RNF130: variants seen among roughly 807,000 people sequenced by gnomAD.
The protein encoded by RNF130 is ring finger protein 130, also known as E3 ubiquitin-protein ligase RNF130.
Under a neutral mutation model 44.6 loss-of-function variants are expected in RNF130, and 21 were observed. That is an observed-to-expected ratio of 0.47 (90% CI 0.33 to 0.68). RNF130 has a LOEUF of 0.68. RNF130 is among the 30% of genes least tolerant of loss of function. RNF130 has a pLI of 0.02. For missense variants in RNF130, 479 were observed against 560.6 expected, an observed-to-expected ratio of 0.85 and a Z score of 1.47; for synonymous variants, 214 against 210.4, an observed-to-expected ratio of 1.02 and a Z score of -0.15.
chr5:179,947,776 A>G (rs1243742863), intron 7 of RNF130, among the ~76,000 whole-genome samples: 1 of 152,236 alleles, frequency 6.6e-6, no homozygotes, highest in Non-Finnish European at 1.5e-5. Flanking sequence ...ATGTAAGTAT[A>G]TAGTAGGTAT....
At chr5:179,984,685 T>C (rs1762915436) in intron 3 of RNF130, among the ~76,000 whole-genome samples, 1 of 152,196 alleles carries the variant, frequency 6.6e-6, no homozygotes, top group Non-Finnish European at 1.5e-5. Flanking sequence ...AGAGGGGTCC[T>C]GGTCTGTAGT....
intron 7 of RNF130, chr5:179,939,599 T>C (rs1761944139): frequency 7.4e-6 from 3 of 405,666 alleles, no homozygotes; most frequent in Non-Finnish European, 1.5e-5. Flanking sequence ...GAAGTTGATA[T>C]AGATTTGAAG....
chr5:179,972,659 G>C lies in RNF130; in HGVS notation c.849-2153C>G, dbSNP rs557117503. On this transcript the variant is annotated intron_variant, in intron 5 of 8. Coordinates refer to ENST00000521389, the MANE Select transcript of RNF130 (RefSeq NM_018434.6). ...ACCTGGTAAAGCCGCAGCACCACCT[G>C]GGGGGATGGAGGTGCGGCTCTGGTG... Among the ~76,000 whole-genome samples the C allele has an allele frequency of 4.6e-5, 7 of 152,142 alleles. No homozygotes were observed. The South Asian group carries it at 1.2e-3, about 27-fold the overall frequency.
At chr5:180,002,761 G>T (rs1763375234) in intron 3 of RNF130, among the ~76,000 whole-genome samples, 1 of 152,116 alleles carries the variant, frequency 6.6e-6, no homozygotes, top group South Asian at 2.1e-4. Context: ...TCAAACGTCT[G>T]TGCTCTCCAG....
intron 7 of RNF130, among the ~76,000 whole-genome samples, chr5:179,938,773 T>G (rs1761933237): frequency 1.3e-5 from 2 of 152,288 alleles, no homozygotes; most frequent in South Asian, 4.1e-4. Context: ...TACTAACTAC[T>G]GAAAACCTTG....
intron 6 of RNF130, among the ~76,000 whole-genome samples, chr5:179,969,072 T>C (rs557981368): frequency 6.6e-6 from 1 of 152,262 alleles, no homozygotes; most frequent in Non-Finnish European, 1.5e-5. Flanking sequence ...CAAGCTAAAA[T>C]GAGTTCATCT....
Position 180,014,545 on chromosome 5 carries a change from G to C in RNF130, c.443-1234C>G, listed in dbSNP as rs1490907039. Among the ~76,000 whole-genome samples the C allele has an allele frequency of 3.3e-5, 5 of 152,132 alleles. No homozygotes were observed. In the South Asian group the frequency reaches 1.0e-3, roughly 31 times the overall value. ...TGTAAACCAACAAAACAATCAAGCA[G>C]AAGTCCCCAAAACTTGTCCTTTTCA... On this transcript the variant is annotated intron_variant, in intron 2 of 8. Transcript: ENST00000521389.
intron 1 of RNF130, among the ~76,000 whole-genome samples, chr5:180,061,068 CAAAAAAAA>C (rs57744473): frequency 3.7e-5 from 2 of 53,600 alleles, no homozygotes; most frequent in Admixed American, 2.9e-4. Flanking sequence ...GACTCCGTCT[CAAAAAAAA>C]AAAAAAAAAA....
intron 2 of RNF130, among the ~76,000 whole-genome samples, chr5:180,033,533 G>A (rs903340520): frequency 9.2e-5 from 14 of 151,992 alleles, no homozygotes; most frequent in Non-Finnish European, 1.6e-4. Flanking sequence ...AGACCAGCCC[G>A]GCCAACATGG....
chr5:180,007,954 C>T (rs1297737495), intron 3 of RNF130, among the ~76,000 whole-genome samples: 1 of 147,046 alleles, frequency 6.8e-6, no homozygotes, highest in Non-Finnish European at 1.5e-5. Context: ...TTCAGTGTTT[C>T]GTATGTCAAC....
At chr5:179,918,485 C>T (rs1326963704) in exon 8 of RNF130, 1 of 152,198 alleles carries the variant, frequency 6.6e-6, no homozygotes, top group African/African-American at 2.4e-5. Flanking sequence ...CTGAGCTCTC[C>T]TACCTTTCAG....
rs796399366 is a variant in RNF130, at chr5:179,998,881, ATATGTTT to A, written c.693+14173_693+14179del. Among the ~76,000 whole-genome samples the A allele has an allele frequency of 4.1e-4, 52 of 127,868 alleles. 4 individuals carry two copies. The highest frequency in any genetic ancestry group is 2.0e-3 in the South Asian group (9 of 4,406). 83.9% of individuals were successfully genotyped at this position (127,868 alleles called of 152,430 possible). A position where few individuals can be genotyped will look rare whatever the true frequency, so the allele number is the denominator to read the frequency against. On this transcript the variant is annotated intron_variant, in intron 3 of 8. Coordinates refer to ENST00000521389, the MANE Select transcript of RNF130 (RefSeq NM_018434.6). ...TTTTTATATATATATATATATATAT[ATATGTTT>A]TATATATCTGAGTGCTCCAGTGTTG...
At chr5:180,040,807 T>G in intron 1 of RNF130, among the ~76,000 whole-genome samples, 160 bp from the exon 2 acceptor site, 1 of 152,322 alleles carries the variant, frequency 6.6e-6, no homozygotes, top group Non-Finnish European at 1.5e-5. Context: ...ACAATGAAGC[T>G]GAATCAGTAC....
intron 8 of RNF130, among the ~76,000 whole-genome samples, chr5:179,960,369 C>T (rs3797772): frequency 0.057 from 8,709 of 152,294 alleles, 352 homozygotes; most frequent in East Asian, 0.15. Context: ...AGTCGCAGTA[C>T]TAAATAAACA....
At chr5:179,973,948 A>T (rs1239203656) in intron 5 of RNF130, among the ~76,000 whole-genome samples, 1 of 152,120 alleles carries the variant, frequency 6.6e-6, no homozygotes, top group Non-Finnish European at 1.5e-5. Flanking sequence ...AAAGGAACAA[A>T]CCCAGCAATC....
At chr5:179,943,188 G>A (rs1373982162) in intron 7 of RNF130, among the ~76,000 whole-genome samples, 2 of 152,168 alleles carry the variant, frequency 1.3e-5, no homozygotes, top group Non-Finnish European at 2.9e-5. Flanking sequence ...GCGAGACACT[G>A]TCTCAAAGAA....
chr5:180,019,973 C>G (rs1442995709), intron 2 of RNF130, among the ~76,000 whole-genome samples: 1 of 152,000 alleles, frequency 6.6e-6, no homozygotes, highest in Non-Finnish European at 1.5e-5. Flanking sequence ...CTGGGCAGGA[C>G]GGAGAGGTGA....
intron 2 of RNF130, among the ~76,000 whole-genome samples, chr5:180,017,818 G>C (rs1043514369): frequency 6.6e-6 from 1 of 152,196 alleles, no homozygotes; most frequent in Non-Finnish European, 1.5e-5. Flanking sequence ...CGGAATCGGA[G>C]GGTCTAGGTT....
chr5:179,980,490 T>C (rs1762807516), intron 3 of RNF130: 1 of 358,506 alleles, frequency 2.8e-6, no homozygotes, highest in South Asian at 2.9e-5. Context: ...CTGCATTTTG[T>C]GTCGAATAAA....
Sources: allele counts gnomAD v4.1 joint callset (sites outside exome capture counted in the v4.1 genomes callset), GRCh38; gene constraint gnomAD v4.1.1; transcripts MANE v1.5; gene names NCBI Gene and HGNC (gene_info 2026-07-23, HGNC 2026-07-21).